Variants in CSTPP1 observed in about 807,000 individuals in gnomAD.
The protein encoded by CSTPP1 is UPF0705 protein C11orf49.
the CSTPP1 span, among the ~76,000 whole-genome samples, chr11:47,045,456 T>C: frequency 6.6e-6 from 1 of 152,176 alleles, no homozygotes; most frequent in Admixed American, 6.5e-5. Flanking sequence ...TGTGAATACT[T>C]ATATGTTTCA....
the CSTPP1 span, among the ~76,000 whole-genome samples, chr11:47,036,982 A>G: frequency 2.4e-5 from 3 of 127,128 alleles, 1 homozygote; most frequent in Non-Finnish European, 5.6e-5. Context: ...CGCCCAGCCT[A>G]TTCTTTACTA....
At chr11:47,135,470 T>G in the CSTPP1 span, among the ~76,000 whole-genome samples, 2 of 152,204 alleles carry the variant, frequency 1.3e-5, no homozygotes, top group Non-Finnish European at 2.9e-5. Context: ...GTGTTCTGAT[T>G]TTGAAATAAG....
At chr11:47,122,206 TC>T in the CSTPP1 span, among the ~76,000 whole-genome samples, 3 of 149,836 alleles carry the variant, frequency 2.0e-5, no homozygotes, top group Non-Finnish European at 4.4e-5. Flanking sequence ...ACTCCTGCCC[TC>T]ATTTGAAGGG....
the CSTPP1 span, among the ~76,000 whole-genome samples, chr11:46,991,144 T>G: frequency 6.6e-6 from 1 of 152,206 alleles, no homozygotes; most frequent in East Asian, 1.9e-4. Flanking sequence ...GTAATCCTTA[T>G]AGGCTTCCAT....
At chr11:47,094,490 G>A in the CSTPP1 span, among the ~76,000 whole-genome samples, 208 of 152,102 alleles carry the variant, frequency 1.4e-3, no homozygotes, top group African/African-American at 4.7e-3. Flanking sequence ...CAGAGAGAGA[G>A]AGAGAGAGAG....
the CSTPP1 span, among the ~76,000 whole-genome samples, chr11:47,054,754 G>A: frequency 6.6e-6 from 1 of 152,096 alleles, no homozygotes; most frequent in Non-Finnish European, 1.5e-5. Context: ...CCAACACTAA[G>A]GCAGTATGGA....
chr11:47,032,028 T>A, the CSTPP1 span, among the ~76,000 whole-genome samples: 1 of 152,202 alleles, frequency 6.6e-6, no homozygotes, highest in Admixed American at 6.5e-5. Flanking sequence ...CTGGCTAGAC[T>A]GGCAGCTAAT....
chr11:47,115,887 C>T, the CSTPP1 span, among the ~76,000 whole-genome samples: 1 of 152,168 alleles, frequency 6.6e-6, no homozygotes, highest in African/African-American at 2.4e-5. Context: ...TCTTGCTTCT[C>T]TAGTTCTTTT....
chr11:47,005,541 G>A, the CSTPP1 span, among the ~76,000 whole-genome samples: 29 of 152,276 alleles, frequency 1.9e-4, no homozygotes, highest in African/African-American at 2.9e-4. Flanking sequence ...AGTAAAATTA[G>A]TTGAGTCTTA....
At chr11:46,973,810 CTG>C in the CSTPP1 span, among the ~76,000 whole-genome samples, 1 of 124,082 alleles carries the variant, frequency 8.1e-6, no homozygotes, top group Non-Finnish European at 1.8e-5. Context: ...CTGTGTGTGT[CTG>C]TGTGTCTGTG....
chr11:46,938,246 C>G, the CSTPP1 span, among the ~76,000 whole-genome samples: 2 of 151,690 alleles, frequency 1.3e-5, no homozygotes, highest in Non-Finnish European at 2.9e-5. Flanking sequence ...CTCCCTCACT[C>G]ACAGTTTCCG....
chr11:47,161,867 G>C, the CSTPP1 span: 84 of 1,329,942 alleles, frequency 6.3e-5, no homozygotes, highest in South Asian at 1.9e-4. Flanking sequence ...ACTTCACTTA[G>C]GCCCCAAGCT....
the CSTPP1 span, among the ~76,000 whole-genome samples, chr11:47,151,040 C>T: frequency 1.3e-5 from 2 of 152,064 alleles, no homozygotes; most frequent in Admixed American, 6.6e-5. Context: ...GCATGAGCCA[C>T]TGTGCCCGGC....
At chr11:47,054,212 G>A in the CSTPP1 span, among the ~76,000 whole-genome samples, 20 of 150,466 alleles carry the variant, frequency 1.3e-4, no homozygotes, top group South Asian at 3.8e-3. Flanking sequence ...CCGGGAGGCT[G>A]AGGCAGGAGA....
the CSTPP1 span, among the ~76,000 whole-genome samples, chr11:47,105,342 A>C: frequency 6.6e-6 from 1 of 152,012 alleles, no homozygotes; most frequent in South Asian, 2.1e-4. Context: ...ACAATAAATA[A>C]ATAAAAATTT....
chr11:47,094,590 T>A, the CSTPP1 span, among the ~76,000 whole-genome samples: 2 of 152,218 alleles, frequency 1.3e-5, no homozygotes, highest in East Asian at 3.8e-4. Context: ...CATCAAATTG[T>A]ACATATTAAA....
At chr11:47,063,948 C>T in the CSTPP1 span, among the ~76,000 whole-genome samples, 1 of 152,144 alleles carries the variant, frequency 6.6e-6, no homozygotes, top group African/African-American at 2.4e-5. Flanking sequence ...ACCAGCAATG[C>T]ATAAGGGTTC....
chr11:46,994,840 C>T, the CSTPP1 span, among the ~76,000 whole-genome samples: 1 of 152,170 alleles, frequency 6.6e-6, no homozygotes, highest in Middle Eastern at 3.2e-3. Flanking sequence ...GGAATAGTTT[C>T]AGAAGGAATA....
chr11:46,942,101 TGGCTTAAGATCTTAAGATCATCACTAA>T, the CSTPP1 span, among the ~76,000 whole-genome samples: 1 of 152,224 alleles, frequency 6.6e-6, no homozygotes, highest in African/African-American at 2.4e-5. Context: ...TGGCCTTGCA[TGGCTTAAGATCTTAAGATCATCACTAA>T]AGAATAGCTT....
Sources: gnomAD v4.1 joint callset for allele counts (sites outside exome capture counted in the v4.1 genomes callset) on GRCh38, gnomAD v4.1.1 for gene constraint, MANE v1.5 for transcripts, NCBI Gene and HGNC (gene_info 2026-07-23, HGNC 2026-07-21) for gene names.